The following OPCML variants were observed in gnomAD, a reference collection of about 807,000 sequenced individuals.
OPCML encodes the protein opioid-binding protein/cell adhesion molecule.
A neutral mutation model predicts 37.8 loss-of-function variants in OPCML; 13 were observed. The observed-to-expected ratio is 0.34, with a 90% CI of 0.22 to 0.55. OPCML has a LOEUF of 0.55. Among genes scored for constraint, OPCML ranks in the 20% least tolerant of loss-of-function variants. OPCML has a pLI of 0.91. For missense variants in OPCML, 341 were observed against 435.6 expected (o/e 0.78, Z 1.93); for synonymous variants, 176 against 168.8 (o/e 1.04, Z -0.33).
At chr11:132,762,425 C>T (rs926088815) in intron 2 of OPCML, among the ~76,000 whole-genome samples, 8 of 152,218 alleles carry the variant, frequency 5.3e-5, no homozygotes, top group African/African-American at 1.9e-4. Flanking sequence ...GCTCTTTCCC[C>T]CAGGTGCTCT....
chr11:132,481,981 T>C (rs1159987932), intron 4 of OPCML, among the ~76,000 whole-genome samples: 1 of 147,380 alleles, frequency 6.8e-6, no homozygotes, highest in African/African-American at 2.5e-5. Context: ...AGATCCAAAA[T>C]TGACACCCTA....
At chr11:132,545,086 T>C (rs1012169830) in intron 3 of OPCML, among the ~76,000 whole-genome samples, 3 of 152,196 alleles carry the variant, frequency 2.0e-5, no homozygotes, top group Non-Finnish European at 4.4e-5. Flanking sequence ...TTGCAGGTAA[T>C]TGTCACGTAC....
At chr11:132,546,317 C>T (rs1309879324) in intron 3 of OPCML, among the ~76,000 whole-genome samples, 1 of 152,074 alleles carries the variant, frequency 6.6e-6, no homozygotes, top group African/African-American at 2.4e-5. Flanking sequence ...TGGGGGGGAA[C>T]AGGTGGTGTT....
At chr11:132,745,767 G>A (rs569758358) in intron 2 of OPCML, among the ~76,000 whole-genome samples, 250 of 152,186 alleles carry the variant, frequency 1.6e-3, no homozygotes, top group Non-Finnish European at 3.0e-3. Flanking sequence ...CAGGCCAGGT[G>A]GAAGCAGTGT....
intron 1 of OPCML, among the ~76,000 whole-genome samples, chr11:133,193,759 G>T (rs528685): frequency 0.69 from 105,641 of 152,046 alleles, 38,890 homozygotes; most frequent in African/African-American, 0.92. Context: ...AAAGATTTAT[G>T]GTCGGCATAT....
chr11:133,499,920 G>A (rs1320191984), intron 1 of OPCML, among the ~76,000 whole-genome samples: 3 of 144,934 alleles, frequency 2.1e-5, no homozygotes, highest in Non-Finnish European at 4.5e-5. Flanking sequence ...TGCCCAGGCT[G>A]GAGTGCAATG....
At chr11:132,791,508 C>T (rs1937904846) in intron 2 of OPCML, among the ~76,000 whole-genome samples, 1 of 152,128 alleles carries the variant, frequency 6.6e-6, no homozygotes, top group Non-Finnish European at 1.5e-5. Flanking sequence ...GGGGACTGGC[C>T]TTGAAAACAT....
intron 1 of OPCML, among the ~76,000 whole-genome samples, chr11:133,246,976 T>C (rs1035586032): frequency 2.2e-4 from 34 of 152,150 alleles, no homozygotes; most frequent in Admixed American, 2.2e-3. Flanking sequence ...TTGCTAATTG[T>C]GCCAGTAGCC....
Position 133,041,827 on chromosome 11 carries a change from C to T in OPCML, c.62-98817G>A, listed in dbSNP as rs1005319499. On this transcript the variant is annotated intron_variant, in intron 1 of 7. Coordinates refer to ENST00000524381, the MANE Select transcript of OPCML (RefSeq NM_001012393.5). The stretch of plus-strand genomic sequence containing the variant: ...GACATCACTCTATATAGGTCTTCTT[C>T]GGGCCCCTCCAGTCCCAAAGAACAG... Among the ~76,000 whole-genome samples, 3 of 152,144 alleles carry T rather than the reference C, an allele frequency of 2.0e-5. No individual in the cohort carries two copies. The East Asian group carries it at 5.8e-4, about 29-fold the overall frequency.
intron 4 of OPCML, among the ~76,000 whole-genome samples, chr11:132,455,270 G>C (rs1427701389): frequency 6.6e-6 from 1 of 152,138 alleles, no homozygotes; most frequent in East Asian, 1.9e-4. Context: ...GGGCGCCTCA[G>C]AGATGCCAAC....
chr11:133,246,992 A>T (rs1406358955), intron 1 of OPCML, among the ~76,000 whole-genome samples: 1 of 152,188 alleles, frequency 6.6e-6, no homozygotes, highest in Non-Finnish European at 1.5e-5. Flanking sequence ...TAGCCGAAAC[A>T]TGAGCTATAA....
At chr11:133,357,725 G>A (rs1944320764) in intron 1 of OPCML, among the ~76,000 whole-genome samples, 1 of 152,152 alleles carries the variant, frequency 6.6e-6, no homozygotes, top group South Asian at 2.1e-4. Flanking sequence ...AAAGGATAAA[G>A]ATTCTGCTGT....
At chr11:132,817,475 G>GA (rs1226572015) in intron 2 of OPCML, among the ~76,000 whole-genome samples, 1 of 151,656 alleles carries the variant, frequency 6.6e-6, no homozygotes, top group Non-Finnish European at 1.5e-5. Context: ...TTTGTCTTTG[G>GA]AAAAAAAATT....
intron 2 of OPCML, among the ~76,000 whole-genome samples, chr11:132,904,632 T>C (rs1944173742): frequency 6.6e-6 from 1 of 152,216 alleles, no homozygotes; most frequent in Admixed American, 6.5e-5. Flanking sequence ...AGACTAGGTG[T>C]TTTGTTTAGA....
At chr11:133,355,006 G>C (rs1944251098) in intron 1 of OPCML, among the ~76,000 whole-genome samples, 1 of 152,172 alleles carries the variant, frequency 6.6e-6, no homozygotes, top group Non-Finnish European at 1.5e-5. Flanking sequence ...AAAATGACTA[G>C]CTACTAGGTG....
chr11:132,704,054 A>G lies in OPCML; in HGVS notation c.147-46735T>C, dbSNP rs562154827. 2.0e-5 allele frequency among the ~76,000 whole-genome samples: 3 copies of G among 152,202 alleles called. No homozygotes were observed. The South Asian group carries it at 6.2e-4, about 32-fold the overall frequency. On this transcript the variant is annotated intron_variant, in intron 2 of 7. Transcript: ENST00000524381. ...TGTTTGGTTGGTTTTTTTGCAGTCT[A>G]CTTGGAAAGGCCTGTGTCCTGTGTC...
At chr11:132,845,955 G>C (rs1211908402) in intron 2 of OPCML, among the ~76,000 whole-genome samples, 1 of 152,186 alleles carries the variant, frequency 6.6e-6, no homozygotes, top group African/African-American at 2.4e-5. Flanking sequence ...CCTGTCCCCA[G>C]TGTGGACACT....
At chr11:132,693,702 T>G (rs1292299925) in intron 2 of OPCML, among the ~76,000 whole-genome samples, 1 of 152,180 alleles carries the variant, frequency 6.6e-6, no homozygotes, top group Non-Finnish European at 1.5e-5. Flanking sequence ...TTAAGCAAAA[T>G]CAAATAACCC....
At chr11:133,248,610 C>T (rs1941029692) in intron 1 of OPCML, among the ~76,000 whole-genome samples, 1 of 152,202 alleles carries the variant, frequency 6.6e-6, no homozygotes, top group Admixed American at 6.5e-5. Flanking sequence ...GGCGTGGCTG[C>T]TCAGCATGAG....
Sources: gnomAD v4.1 joint callset for allele counts (sites outside exome capture counted in the v4.1 genomes callset) on GRCh38, gnomAD v4.1.1 for gene constraint, MANE v1.5 for transcripts, NCBI Gene and HGNC (gene_info 2026-07-23, HGNC 2026-07-21) for gene names.